HEATR4: variants seen among roughly 807,000 people sequenced by gnomAD.
The protein encoded by HEATR4 is HEAT repeat-containing protein 4.
Under a neutral mutation model 108.8 loss-of-function variants are expected in HEATR4, and 95 were observed. The observed-to-expected ratio is 0.87, with a 90% CI of 0.74 to 1.04. The LOEUF is 1.04. Among genes scored for constraint, HEATR4 ranks in the 50% least tolerant of loss-of-function variants. The pLI is 0.00. For synonymous variants in HEATR4, 443 were observed against 459.4 expected (o/e 0.96, Z 0.46); for missense variants, 1,152 against 1,253.8 (o/e 0.92, Z 1.23).
intron 2 of HEATR4, among the ~76,000 whole-genome samples, chr14:73,529,376 AATT>A (rs1208626239): frequency 0.034 from 5,095 of 148,314 alleles, 94 homozygotes; most frequent in Middle Eastern, 0.067. Context: ...AAAAAAAAAA[AATT>A]AAGTCAATCC....
chr14:73,565,454 C>T, the HEATR4 span, among the ~76,000 whole-genome samples: 1 of 150,026 alleles, frequency 6.7e-6, no homozygotes, highest in Non-Finnish European at 1.5e-5. Context: ...GGCCCAATCT[C>T]GGCTCACTGC....
intron 2 of HEATR4, among the ~76,000 whole-genome samples, chr14:73,526,335 G>A (rs1041240144): frequency 6.6e-6 from 1 of 152,168 alleles, no homozygotes; most frequent in Admixed American, 6.5e-5. Flanking sequence ...GTGGCCTGGG[G>A]CCCTGAATAC....
rs371803166 is a variant in HEATR4, at chr14:73,501,090, TTTTG to T, written c.2106-364_2106-361del. ...CCAGCCTGGAATGCCTATGCAGTCT[TTTTG>T]TTTGTTTGTTTAAATTATTTTTATT... is the stretch of plus-strand genomic sequence containing the variant. On this transcript the variant is annotated intron_variant, in intron 11 of 17. Coordinates refer to ENST00000553558, the MANE Select transcript of HEATR4 (RefSeq NM_001220484.1). Among the ~76,000 whole-genome samples, 120 of 152,284 alleles carry T rather than the reference TTTTG, an allele frequency of 7.9e-4. 2 individuals carry two copies. The highest frequency in any genetic ancestry group is 3.4e-3 in the Middle Eastern group (1 of 294).
Position 73,508,245 on chromosome 14 carries a change from A to G in HEATR4, c.1770T>C (p.Gly590=), listed in dbSNP as rs771642448. ...WAAAQCLALE[G]TATYPVIKRI... Reference sequence around the variant, plus strand: ...TCTTAATCACAGGGTAAGTAGCAGTACCTTCCAGAGCCAAGCACTGAGCTG... The same window carrying G: ...TCTTAATCACAGGGTAAGTAGCAGTGCCTTCCAGAGCCAAGCACTGAGCTG... Residue 590 remains glycine (G), a synonymous_variant, in exon 9 of 18, where the codon GGT becomes GGC. Transcript: ENST00000553558. 6.2e-7 allele frequency: 1 copy of G among 1,613,866 alleles called. No homozygotes were observed. The highest frequency in any genetic ancestry group is 8.5e-7 in the Non-Finnish European group (1 of 1,179,954).
chr14:73,518,792 G>A (rs749722680), intron 5 of HEATR4, among the ~76,000 whole-genome samples: 1 of 152,194 alleles, frequency 6.6e-6, no homozygotes, highest in Non-Finnish European at 1.5e-5. Context: ...TTATACCTAA[G>A]TTATATCAGA....
chr14:73,549,346 T>C lies in HEATR4; in HGVS notation c.-152+9405A>G, dbSNP rs1376657061. On this transcript the variant is annotated intron_variant, in intron 1 of 17. Transcript: ENST00000553558. ...TACAATGGGTATAACAACAATCCCA[T>C]CTTGTTGGGAGGAATTAACAATCAT... 1.7e-5 allele frequency among the ~76,000 whole-genome samples: 2 copies of C among 116,954 alleles called. 1 individual carries two copies. The highest frequency in any genetic ancestry group is 5.6e-5 in the African/African-American group (2 of 35,950). 76.7% of individuals were successfully genotyped at this position (116,954 alleles called of 152,430 possible).
chr14:73,595,580 GC>G, the HEATR4 span: 12 of 1,576,844 alleles, frequency 7.6e-6, no homozygotes, highest in African/African-American at 4.1e-5. Flanking sequence ...CCAGGAAGAT[GC>G]CTGGAAGCAA....
Position 73,520,937 on chromosome 14 carries a change from G to A in HEATR4, c.984C>T (p.Thr328=). Residue 328 remains threonine, a synonymous_variant, in exon 4 of 18, where the codon ACC becomes ACT. Transcript: ENST00000553558. Reference sequence around the variant, plus strand: ...GAGTCACCTGGCGAAAGTAGCTCTGGGTTTGGGGCTGGGAGAGGCTCGTCT... The same window carrying A: ...GAGTCACCTGGCGAAAGTAGCTCTGAGTTTGGGGCTGGGAGAGGCTCGTCT... ...HEKTSLSQPQ[T]QSYFRQVTPR... 1 of 1,614,012 alleles carries A rather than the reference G, an allele frequency of 6.2e-7. No homozygotes were observed.
intron 7 of HEATR4, among the ~76,000 whole-genome samples, chr14:73,510,424 TTTTTTG>T (rs1255860236): frequency 6.9e-6 from 1 of 145,610 alleles, no homozygotes; most frequent in African/African-American, 2.6e-5. Flanking sequence ...TGGCTGGAGT[TTTTTTG>T]TTTTTGTTTT....
intron 17 of HEATR4, chr14:73,491,654 A>G (rs916361645): frequency 6.5e-7 from 1 of 1,549,488 alleles, no homozygotes. Context: ...CATCGCGCCC[A>G]TGCCGCCAGA....
At chr14:73,511,541 AAATAAATAAATAAATAAAT>A (rs1430950147) in intron 7 of HEATR4, among the ~76,000 whole-genome samples, 45 of 128,652 alleles carry the variant, frequency 3.5e-4, no homozygotes, top group African/African-American at 1.2e-3. Flanking sequence ...ATAAATAAAT[AAATAAATAAATAAATAAAT>A]AAATAAAATA....
intron 9 of HEATR4, among the ~76,000 whole-genome samples, chr14:73,507,442 T>C (rs1220482114): frequency 6.6e-6 from 1 of 152,170 alleles, no homozygotes; most frequent in Non-Finnish European, 1.5e-5. Flanking sequence ...AATTGTGTAA[T>C]TAATTTTTTG....
chr14:73,485,318 G>C (rs567560888), intron 17 of HEATR4, among the ~76,000 whole-genome samples: 1 of 151,828 alleles, frequency 6.6e-6, no homozygotes, highest in African/African-American at 2.4e-5. Context: ...AATAACTATT[G>C]ATTGGTAGAT....
the HEATR4 span, chr14:73,595,511 C>T: frequency 9.9e-6 from 16 of 1,613,588 alleles, no homozygotes; most frequent in African/African-American, 1.3e-5. Context: ...AGCTTCCCTT[C>T]ACAGATTACT....
At position 73,495,290 on chromosome 14, in the gene HEATR4, A is replaced by G. The variant is rs1016568967; in HGVS notation, c.2723T>C (p.Leu908Ser). Residue 908 changes from leucine to serine, a missense_variant, in exon 16 of 18, where the codon TTG becomes TCG. Physicochemically the swap from Leu to Ser is moderately radical, Grantham distance 145 (BLOSUM62 -2). Coordinates refer to ENST00000553558, the MANE Select transcript of HEATR4 (RefSeq NM_001220484.1). Reference sequence around the variant, plus strand: ...TGGTCCTTGTTCTCCTTTGGGTTTCAAGTAAACACGTTTTGCTTCCTCCCT... The same window carrying G: ...TGGTCCTTGTTCTCCTTTGGGTTTCGAGTAAACACGTTTTGCTTCCTCCCT... Reference protein sequence around the residue: ...KVREEAKRVYLKPKGEQGPLT... With the variant: ...KVREEAKRVYSKPKGEQGPLT... 1.9e-6 allele frequency: 3 copies of G among 1,614,036 alleles called. No homozygotes were observed. The highest frequency in any genetic ancestry group is 2.2e-5 in the East Asian group (1 of 44,848).
chr14:73,629,385 A>G, the HEATR4 span, among the ~76,000 whole-genome samples: 3 of 152,218 alleles, frequency 2.0e-5, no homozygotes, highest in African/African-American at 7.2e-5. Context: ...CAAATCTGCA[A>G]TATCTCCCAG....
At chr14:73,603,873 A>G in the HEATR4 span, among the ~76,000 whole-genome samples, 1 of 151,964 alleles carries the variant, frequency 6.6e-6, no homozygotes, top group Non-Finnish European at 1.5e-5. Context: ...AACTGGGACT[A>G]CAGGTGCGCA....
chr14:73,626,332 A>G, the HEATR4 span, among the ~76,000 whole-genome samples: 1 of 152,168 alleles, frequency 6.6e-6, no homozygotes, highest in Non-Finnish European at 1.5e-5. Context: ...GTGTTGGGCC[A>G]CATTCAAAGC....
chr14:73,575,474 C>G, the HEATR4 span: 1 of 1,496,300 alleles, frequency 6.7e-7, no homozygotes, highest in African/African-American at 1.6e-5. Flanking sequence ...TCCACAAACA[C>G]TTGGGTGGCC....
Sources: gnomAD v4.1 joint callset for allele counts (sites outside exome capture counted in the v4.1 genomes callset) on GRCh38, gnomAD v4.1.1 for gene constraint, MANE v1.5 for transcripts, NCBI Gene and HGNC (gene_info 2026-07-23, HGNC 2026-07-21) for gene names.